The following CDK14 variants were observed in gnomAD, a reference collection of about 807,000 sequenced individuals.
The protein encoded by CDK14 is cyclin-dependent kinase 14.
Under a neutral mutation model 60.7 loss-of-function variants are expected in CDK14, and 34 were observed. The observed-to-expected ratio is 0.56, with a 90% CI of 0.43 to 0.75. The LOEUF is 0.75. Ranked by LOEUF, CDK14 falls within the 30% of genes least tolerant of loss-of-function variation. The pLI, the probability that CDK14 is intolerant of heterozygous loss-of-function variation, is 0.00. For synonymous variants in CDK14, 197 were observed against 203.7 expected (o/e 0.97, Z 0.28); for missense variants, 482 against 564.1 (o/e 0.85, Z 1.47).
At chr7:90,726,482 A>C (rs1335575419) in intron 2 of CDK14, 85 bp from the exon 3 acceptor site, 2 of 1,420,878 alleles carry the variant, frequency 1.4e-6, no homozygotes, top group African/African-American at 1.4e-5. Context: ...TGAAATTGGC[A>C]TGCTTTCTAG....
chr7:90,739,724 T>A (rs1311527033), intron 3 of CDK14, among the ~76,000 whole-genome samples: 2 of 152,212 alleles, frequency 1.3e-5, no homozygotes, highest in East Asian at 3.8e-4. Context: ...GCATTCATTC[T>A]TAAAGGAGCA....
chr7:90,685,002 A>G (rs1801402921), intron 2 of CDK14, among the ~76,000 whole-genome samples: 1 of 131,940 alleles, frequency 7.6e-6, no homozygotes, highest in South Asian at 2.3e-4. Flanking sequence ...TTTTTTTTTC[A>G]TTTTTAGGGA....
At chr7:90,821,980 T>A (rs1465561204) in intron 5 of CDK14, among the ~76,000 whole-genome samples, 5 of 152,230 alleles carry the variant, frequency 3.3e-5, no homozygotes, top group Non-Finnish European at 7.3e-5. Context: ...GAATGTCCCC[T>A]CTTCTCTAAG....
chr7:90,804,576 T>C (rs765729171), intron 5 of CDK14, among the ~76,000 whole-genome samples: 6 of 152,186 alleles, frequency 3.9e-5, no homozygotes, highest in Non-Finnish European at 7.4e-5. Flanking sequence ...ACAATTGTTA[T>C]TCTAAGTCTG....
intron 9 of CDK14, chr7:90,979,887 G>T (rs1795184196): frequency 6.6e-6 from 1 of 152,080 alleles, no homozygotes; most frequent in Non-Finnish European, 1.5e-5. Flanking sequence ...ACTGTTTGTT[G>T]CATTTGTTAC....
chr7:90,970,367 G>A (rs1794887772), intron 9 of CDK14, among the ~76,000 whole-genome samples: 1 of 152,168 alleles, frequency 6.6e-6, no homozygotes, highest in African/African-American at 2.4e-5. Context: ...TGTGTTCTTT[G>A]CCAAAGCCTC....
intron 2 of CDK14, among the ~76,000 whole-genome samples, chr7:90,607,390 G>A (rs1226003211): frequency 6.6e-6 from 1 of 152,172 alleles, no homozygotes; most frequent in African/African-American, 2.4e-5. Context: ...CTTATTTCAA[G>A]GAGTGGCCTC....
intron 11 of CDK14, among the ~76,000 whole-genome samples, chr7:91,061,529 T>G (rs1797785590): frequency 6.6e-6 from 1 of 152,158 alleles, no homozygotes; most frequent in Non-Finnish European, 1.5e-5. Flanking sequence ...ATCTTTGTGG[T>G]TTTATCTACC....
At chr7:91,056,834 G>A (rs540271765) in intron 11 of CDK14, among the ~76,000 whole-genome samples, 12 of 152,258 alleles carry the variant, frequency 7.9e-5, no homozygotes, top group African/African-American at 2.6e-4. Context: ...TTGGTTCCAA[G>A]TCTTTGCTAT....
intron 7 of CDK14, among the ~76,000 whole-genome samples, chr7:90,913,746 A>G (rs1179139971): frequency 6.6e-6 from 1 of 152,074 alleles, no homozygotes; most frequent in East Asian, 1.9e-4. Flanking sequence ...CTAGGATAAG[A>G]GTTCAGTTAA....
At chr7:91,157,317 T>C (rs1032319207) in intron 14 of CDK14, among the ~76,000 whole-genome samples, 1 of 152,172 alleles carries the variant, frequency 6.6e-6, no homozygotes, top group Non-Finnish European at 1.5e-5. Flanking sequence ...CCATAGTGCT[T>C]CTAGTCATAC....
At chr7:91,058,100 T>A (rs1160583728) in intron 11 of CDK14, among the ~76,000 whole-genome samples, 3 of 152,116 alleles carry the variant, frequency 2.0e-5, no homozygotes, top group East Asian at 3.9e-4. Context: ...GGTTTGTAGT[T>A]CTCCTTGAAG....
intron 2 of CDK14, among the ~76,000 whole-genome samples, chr7:90,693,385 A>G (rs980293076): frequency 6.6e-6 from 1 of 152,236 alleles, no homozygotes; most frequent in Non-Finnish European, 1.5e-5. Context: ...GTTAGCACCT[A>G]CTAGGTAAGT....
chr7:91,019,010 G>GT (rs1224971583), intron 10 of CDK14, among the ~76,000 whole-genome samples: 8 of 152,174 alleles, frequency 5.3e-5, no homozygotes, highest in African/African-American at 1.9e-4. Flanking sequence ...TGGGGATTAG[G>GT]TTTTAGCCTG....
intron 5 of CDK14, among the ~76,000 whole-genome samples, chr7:90,842,378 T>C (rs1790327472): frequency 6.6e-6 from 1 of 152,104 alleles, no homozygotes; most frequent in Admixed American, 6.6e-5. Flanking sequence ...AAGTGGGAAA[T>C]ATTCTCTTAT....
At chr7:90,864,150 T>C (rs903665878) in intron 6 of CDK14, among the ~76,000 whole-genome samples, 2 of 152,136 alleles carry the variant, frequency 1.3e-5, no homozygotes, top group Admixed American at 6.6e-5. Context: ...AGAATGAATA[T>C]TTGCAACATT....
In CDK14 at chr7:90,616,090, G is replaced by C. The variant is rs181825731; in HGVS notation, c.123+11841G>C. On this transcript the variant is annotated intron_variant, in intron 2 of 14. Transcript: ENST00000380050. ...TTTTAGATAATGCTTTCTGATTTTT[G>C]ATTCAGAAAATATAGTCTTCTTAGT... 2.0e-5 allele frequency among the ~76,000 whole-genome samples: 3 copies of C among 152,018 alleles called. No homozygotes were observed. The East Asian group carries it at 5.8e-4, about 29-fold the overall frequency.
chr7:91,044,087 A>G (rs541636007), intron 10 of CDK14, among the ~76,000 whole-genome samples: 3 of 152,320 alleles, frequency 2.0e-5, no homozygotes, highest in East Asian at 1.9e-4. Context: ...TAAGTGACCA[A>G]TGGCCCATGA....
chr7:90,768,712 G>A (rs1442209474), intron 4 of CDK14, among the ~76,000 whole-genome samples: 1 of 152,186 alleles, frequency 6.6e-6, no homozygotes, highest in Non-Finnish European at 1.5e-5. Context: ...AAGCAATTGT[G>A]TTCTCTCACT....
Sources: allele counts gnomAD v4.1 joint callset (sites outside exome capture counted in the v4.1 genomes callset), GRCh38; gene constraint gnomAD v4.1.1; transcripts MANE v1.5; gene names NCBI Gene and HGNC (gene_info 2026-07-23, HGNC 2026-07-21).